The following ADGRL4 variants were observed in gnomAD, a reference collection of about 807,000 sequenced individuals.
ADGRL4 encodes the protein EGF, latrophilin and seven transmembrane domain containing 1.
A neutral mutation model predicts 74.8 loss-of-function variants in ADGRL4; 90 were observed. That is an observed-to-expected ratio of 1.20 (90% CI 1.02 to 1.43). The LOEUF (loss-of-function observed/expected upper bound fraction) is 1.43, where lower values mean the gene tolerates loss of function less well. Among genes scored for constraint, ADGRL4 ranks in the 40% most tolerant of loss-of-function variants. The pLI is 0.00. For missense variants in ADGRL4, 881 were observed against 814.3 expected (o/e 1.08, Z -1.00); for synonymous variants, 311 against 279.2 (o/e 1.11, Z -1.14).
intron 12 of ADGRL4, among the ~76,000 whole-genome samples, chr1:78,897,873 G>A (rs1051675898): frequency 5.3e-5 from 8 of 151,988 alleles, no homozygotes; most frequent in Non-Finnish European, 1.0e-4. Context: ...ACATTTACTC[G>A]TTTATATTTT....
intron 2 of ADGRL4, among the ~76,000 whole-genome samples, chr1:78,992,243 C>CA: frequency 6.6e-6 from 1 of 152,124 alleles, no homozygotes; most frequent in East Asian, 1.9e-4. Flanking sequence ...AACATTCTGT[C>CA]TTTCGGCAAC....
At chr1:78,970,171 C>T (rs1236559222) in intron 2 of ADGRL4, among the ~76,000 whole-genome samples, 1 of 152,126 alleles carries the variant, frequency 6.6e-6, no homozygotes, top group Non-Finnish European at 1.5e-5. Context: ...GTTAAGGAGT[C>T]CATGCAACTC....
chr1:78,989,732 A>G, intron 2 of ADGRL4, among the ~76,000 whole-genome samples: 1 of 151,964 alleles, frequency 6.6e-6, no homozygotes, highest in Non-Finnish European at 1.5e-5. Context: ...GAACCCATCA[A>G]AAACAATTTT....
At chr1:78,985,551 G>C (rs1322032432) in intron 2 of ADGRL4, among the ~76,000 whole-genome samples, 1 of 151,650 alleles carries the variant, frequency 6.6e-6, no homozygotes, top group Non-Finnish European at 1.5e-5. Context: ...TTCCTCCAAT[G>C]GTAATTTGAG....
At chr1:78,969,236 T>C (rs1650121766) in intron 2 of ADGRL4, among the ~76,000 whole-genome samples, 1 of 152,220 alleles carries the variant, frequency 6.6e-6, no homozygotes, top group African/African-American at 2.4e-5. Context: ...TTTGCAACAG[T>C]GCAATAAGAA....
At chr1:78,899,881 C>CA (rs1159682676) in intron 12 of ADGRL4, among the ~76,000 whole-genome samples, 2 of 151,536 alleles carry the variant, frequency 1.3e-5, no homozygotes, top group South Asian at 2.1e-4. Flanking sequence ...GCTCCCCCTC[C>CA]AAAAAAATGT....
At chr1:78,906,402 C>T (rs964568105) in intron 12 of ADGRL4, among the ~76,000 whole-genome samples, 3 of 151,810 alleles carry the variant, frequency 2.0e-5, no homozygotes, top group African/African-American at 7.3e-5. Context: ...AAAACAGAAT[C>T]AAAAGGCAGA....
intron 2 of ADGRL4, among the ~76,000 whole-genome samples, chr1:78,968,997 A>C (rs1650115710): frequency 6.6e-6 from 1 of 152,224 alleles, no homozygotes; most frequent in South Asian, 2.1e-4. Context: ...AATTGACTGA[A>C]CTCAGAAAGC....
chr1:78,953,565 G>A (rs148289628), intron 2 of ADGRL4, among the ~76,000 whole-genome samples: 370 of 152,286 alleles, frequency 2.4e-3, no homozygotes, highest in African/African-American at 8.3e-3. Context: ...TAGAGAAACC[G>A]TTCTCTGAAC....
Position 78,917,907 on chromosome 1 carries a change from G to T in ADGRL4, c.1605C>A (p.Ile535=), listed in dbSNP as rs779852047. 32 of 1,612,546 alleles carry T rather than the reference G, an allele frequency of 2.0e-5. No individual in the cohort carries two copies. The highest frequency in any genetic ancestry group is 2.4e-5 in the Non-Finnish European group (28 of 1,179,158). Residue 535 remains isoleucine, a synonymous_variant, in exon 11 of 15, where the codon ATC becomes ATA. Coordinates refer to ENST00000370742, the MANE Select transcript of ADGRL4 (RefSeq NM_022159.4). ...NKGFLHKNFY[I]FGYLSPAVVV... ...CCACGGCTGGGCTTAGATAGCCAAA[G>T]ATATAAAAATTCTTGTGCAAAAATC...
At chr1:78,953,456 A>T (rs1649770341) in intron 2 of ADGRL4, among the ~76,000 whole-genome samples, 1 of 152,240 alleles carries the variant, frequency 6.6e-6, no homozygotes, top group South Asian at 2.1e-4. Context: ...AAACTATTAG[A>T]ATAGTATCAG....
chr1:78,894,646 T>C (rs916204331), intron 12 of ADGRL4, among the ~76,000 whole-genome samples: 1 of 151,876 alleles, frequency 6.6e-6, no homozygotes, highest in Non-Finnish European at 1.5e-5. Context: ...CTGTATTTAA[T>C]TTTATAAATA....
At chr1:78,938,363 C>A (rs1223424197) in intron 4 of ADGRL4, 84 bp from the exon 5 acceptor site, 3 of 1,189,496 alleles carry the variant, frequency 2.5e-6, no homozygotes, top group Non-Finnish European at 3.4e-6. Context: ...GTTAAATTTA[C>A]CCTGAGGTTG....
At chr1:78,929,739 C>A (rs2352613) in intron 7 of ADGRL4, among the ~76,000 whole-genome samples, 1 of 151,062 alleles carries the variant, frequency 6.6e-6, no homozygotes, top group Non-Finnish European at 1.5e-5. Context: ...CTCTCCTTTA[C>A]TGACAGCTAA....
intron 2 of ADGRL4, among the ~76,000 whole-genome samples, chr1:78,994,921 A>G (rs1012682231): frequency 3.9e-5 from 6 of 152,224 alleles, no homozygotes; most frequent in East Asian, 3.8e-4. Flanking sequence ...GATCAATTCT[A>G]CTTTTACCAT....
chr1:78,891,653 G>A lies in ADGRL4; in HGVS notation c.1881C>T (p.Leu627=), dbSNP rs767260258. Reference sequence around the variant, plus strand: ...GAACCCCAAAGATCCAGGTGGTGCCGAGAAGGAACAGAAGAGCGAGGGCTC... The same window carrying A: ...GAACCCCAAAGATCCAGGTGGTGCCAAGAAGGAACAGAAGAGCGAGGGCTC... ...ARGALALLFL[L]GTTWIFGVLH... Residue 627 remains leucine (L), a synonymous_variant, in exon 14 of 15, where the codon CTC becomes CTT. Transcript: ENST00000370742. The A allele has an allele frequency of 1.3e-5, 21 of 1,613,108 alleles. No individual in the cohort carries two copies. Among genetic ancestry groups the A allele is most frequent in the East Asian group, 2.2e-5 (1 of 44,828 alleles).
intron 2 of ADGRL4, among the ~76,000 whole-genome samples, chr1:78,979,490 A>G (rs1650357382): frequency 6.6e-6 from 1 of 152,016 alleles, no homozygotes; most frequent in Admixed American, 6.6e-5. Context: ...TTAATAAAGA[A>G]TACTAATATT....
intron 12 of ADGRL4, among the ~76,000 whole-genome samples, chr1:78,911,199 C>G (rs530635364): frequency 5.9e-5 from 9 of 151,802 alleles, no homozygotes; most frequent in Non-Finnish European, 1.2e-4. Context: ...AGTCCTTACT[C>G]TATGGATAAA....
chr1:78,961,585 C>T (rs761888043), intron 2 of ADGRL4, among the ~76,000 whole-genome samples: 4 of 152,148 alleles, frequency 2.6e-5, no homozygotes, highest in Non-Finnish European at 4.4e-5. Flanking sequence ...AGTAAAGTTT[C>T]ACTTTCTAAG....
Sources: gnomAD v4.1 joint callset for allele counts (sites outside exome capture counted in the v4.1 genomes callset) on GRCh38, gnomAD v4.1.1 for gene constraint, MANE v1.5 for transcripts, NCBI Gene and HGNC (gene_info 2026-07-23, HGNC 2026-07-21) for gene names.